WDPCP: variants seen among roughly 807,000 people sequenced by gnomAD.
WDPCP encodes the protein WD repeat-containing and planar cell polarity effector protein fritz homolog.
In WDPCP, 71 loss-of-function variants were observed where a neutral mutation model predicts 93.1. The observed-to-expected ratio is 0.76, with a 90% confidence interval of 0.63 to 0.93. WDPCP has a LOEUF of 0.93. WDPCP is among the 40% of genes least tolerant of loss of function. The pLI, the probability that WDPCP is intolerant of heterozygous loss-of-function variation, is 0.00. For synonymous variants in WDPCP, 315 were observed against 315.0 expected (o/e 1.00, Z 0.00); for missense variants, 844 against 887.4 (o/e 0.95, Z 0.62).
intron 17 of WDPCP, among the ~76,000 whole-genome samples, chr2:63,128,912 C>A (rs1231401795): frequency 6.6e-6 from 1 of 152,194 alleles, no homozygotes; most frequent in Non-Finnish European, 1.5e-5. Flanking sequence ...AGGTGATCCA[C>A]CCACCTTGGC....
intron 2 of WDPCP, among the ~76,000 whole-genome samples, chr2:63,664,103 A>G (rs1710257867): frequency 6.6e-6 from 1 of 152,200 alleles, no homozygotes; most frequent in Non-Finnish European, 1.5e-5. Flanking sequence ...ATGCAGATAG[A>G]GAGGCTCAGA....
intron 2 of WDPCP, among the ~76,000 whole-genome samples, chr2:63,766,979 C>T (rs893382976): frequency 5.3e-5 from 8 of 151,958 alleles, no homozygotes; most frequent in Non-Finnish European, 1.0e-4. Context: ...TCATCTTGTC[C>T]TTTTTTAATG....
upstream of WDPCP, chr2:63,589,267 G>A (rs1709097665): frequency 6.4e-7 from 1 of 1,551,394 alleles, no homozygotes; most frequent in South Asian, 1.2e-5. Context: ...GGAGGACTCT[G>A]GAGAAGTAGT....
At chr2:63,206,863 A>T (rs1676380815) in intron 14 of WDPCP, among the ~76,000 whole-genome samples, 2 of 152,248 alleles carry the variant, frequency 1.3e-5, no homozygotes, top group Non-Finnish European at 2.9e-5. Context: ...AATGGTTAAG[A>T]TAGTAACTTT....
chr2:63,636,632 T>C (rs140579554), intron 3 of WDPCP, among the ~76,000 whole-genome samples: 5 of 152,232 alleles, frequency 3.3e-5, no homozygotes, highest in African/African-American at 1.2e-4. Flanking sequence ...AGACAGGGTC[T>C]CAATATGTTG....
chr2:63,448,729 G>A (rs753116372), intron 6 of WDPCP, among the ~76,000 whole-genome samples: 19 of 152,188 alleles, frequency 1.2e-4, no homozygotes, highest in Admixed American at 6.5e-4. Context: ...ATGAACCTGT[G>A]GGACATTATG....
chr2:63,706,595 CTTTTCTTTTTTT>C (rs1669156444), intron 2 of WDPCP, among the ~76,000 whole-genome samples: 1 of 63,642 alleles, frequency 1.6e-5, no homozygotes, highest in South Asian at 4.7e-4. Context: ...GTTGAAAATT[CTTTTCTTTTTTT>C]TTTTTTTTTT....
At chr2:63,462,044 T>A (rs547486775) in intron 6 of WDPCP, among the ~76,000 whole-genome samples, 1 of 152,222 alleles carries the variant, frequency 6.6e-6, no homozygotes. Context: ...TAAAGACACA[T>A]GCACACATAT....
chr2:63,821,896 G>A (rs1049917655), intron 1 of WDPCP, among the ~76,000 whole-genome samples: 1 of 152,092 alleles, frequency 6.6e-6, no homozygotes, highest in African/African-American at 2.4e-5. Context: ...GTAAGGATAG[G>A]TTTTCAGCAC....
chr2:63,237,487 C>A (rs1679501092), intron 14 of WDPCP, among the ~76,000 whole-genome samples: 2 of 151,978 alleles, frequency 1.3e-5, no homozygotes, highest in South Asian at 4.2e-4. Flanking sequence ...GTGTTTATAC[C>A]CAAAGGAAAA....
At chr2:63,145,296 G>T (rs560137993) in intron 17 of WDPCP, among the ~76,000 whole-genome samples, 2 of 152,040 alleles carry the variant, frequency 1.3e-5, no homozygotes, top group South Asian at 4.2e-4. Context: ...AGGGACCAGT[G>T]GTGGGTGGGG....
At chr2:63,806,248 A>G (rs1670760887) in intron 2 of WDPCP, among the ~76,000 whole-genome samples, 1 of 151,904 alleles carries the variant, frequency 6.6e-6, no homozygotes, top group Admixed American at 6.5e-5. Context: ...CAAAAGAGAG[A>G]AATTTTAAAG....
intron 1 of WDPCP, among the ~76,000 whole-genome samples, chr2:63,569,012 G>A (rs936162308): frequency 1.1e-4 from 17 of 152,104 alleles, no homozygotes; most frequent in Non-Finnish European, 2.1e-4. Context: ...TCTTTGAAGA[G>A]GAATCTCTAC....
chr2:63,481,437 C>T (rs1575499570), intron 6 of WDPCP, among the ~76,000 whole-genome samples: 1 of 151,966 alleles, frequency 6.6e-6, no homozygotes, highest in African/African-American at 2.4e-5. Flanking sequence ...AAGATACTTG[C>T]CCATGCATGT....
chr2:63,270,432 T>C (rs1682539248), intron 13 of WDPCP, among the ~76,000 whole-genome samples: 1 of 152,158 alleles, frequency 6.6e-6, no homozygotes, highest in African/African-American at 2.4e-5. Flanking sequence ...TTTTTTTTAT[T>C]TCTTATGTCG....
chr2:63,226,772 C>T (rs1332674783), intron 14 of WDPCP, among the ~76,000 whole-genome samples: 1 of 151,800 alleles, frequency 6.6e-6, no homozygotes, highest in Non-Finnish European at 1.5e-5. Context: ...CACATTTTGT[C>T]TTTTCATATG....
chr2:63,314,023 C>T (rs1438023506), intron 12 of WDPCP, among the ~76,000 whole-genome samples: 4 of 149,668 alleles, frequency 2.7e-5, no homozygotes, highest in African/African-American at 4.9e-5. Flanking sequence ...TGGGAGTAGG[C>T]GCGCACCACC....
At chr2:63,534,196 C>A (rs907313361) in intron 1 of WDPCP, among the ~76,000 whole-genome samples, 14 of 152,128 alleles carry the variant, frequency 9.2e-5, no homozygotes, top group African/African-American at 3.4e-4. Context: ...CAATAACAGG[C>A]TCTGAAATTG....
chr2:63,232,415 T>C (rs1184783437), intron 14 of WDPCP: 1 of 152,164 alleles, frequency 6.6e-6, no homozygotes, highest in Non-Finnish European at 1.5e-5. Flanking sequence ...GCTGGTGTAT[T>C]TTTGCAATCT....
Sources: allele counts gnomAD v4.1 joint callset (sites outside exome capture counted in the v4.1 genomes callset), GRCh38; gene constraint gnomAD v4.1.1; transcripts MANE v1.5; gene names NCBI Gene and HGNC (gene_info 2026-07-23, HGNC 2026-07-21).